Variants in ACSF3 observed in about 807,000 individuals in gnomAD.
ACSF3 encodes the protein acyl-CoA synthetase family member 3.
In ACSF3, 78 loss-of-function variants were observed where a neutral mutation model predicts 53.2. The ratio of observed to expected loss-of-function variants is 1.47; its 90% confidence interval spans 1.22 to 1.77. The LOEUF is 1.77. Ranked by LOEUF, ACSF3 falls within the 40% of genes most tolerant of loss-of-function variation. ACSF3 has a pLI of 0.00. For missense variants in ACSF3, 937 were observed against 771.1 expected, an observed-to-expected ratio of 1.22 and a Z score of -2.55; for synonymous variants, 414 against 333.1, an observed-to-expected ratio of 1.24 and a Z score of -2.65.
chr16:89,116,833 C>T (rs1460271617), intron 6 of ACSF3, among the ~76,000 whole-genome samples: 2 of 152,296 alleles, frequency 1.3e-5, no homozygotes, highest in East Asian at 1.9e-4. Context: ...TCAGTGCTAG[C>T]GGCCCCTGCT....
chr16:89,103,367 C>G (rs1597902226), intron 4 of ACSF3, among the ~76,000 whole-genome samples: 1 of 152,334 alleles, frequency 6.6e-6, no homozygotes, highest in East Asian at 1.9e-4. Context: ...TAGGGCTGCT[C>G]CGTCAGGAGG....
At chr16:89,103,688 C>T (rs113145789) in intron 4 of ACSF3, among the ~76,000 whole-genome samples, 1 of 152,362 alleles carries the variant, frequency 6.6e-6, no homozygotes, top group Admixed American at 6.5e-5. Context: ...CTCCAGAGTA[C>T]TGGCCCAGCT....
intron 9 of ACSF3, 92 bp downstream of exon 9, chr16:89,145,493 G>A (rs568252078): frequency 7.2e-5 from 107 of 1,480,538 alleles, no homozygotes; most frequent in South Asian, 9.6e-5. Context: ...AGTCGACGCC[G>A]TCCCAGCTGC....
intron 8 of ACSF3, among the ~76,000 whole-genome samples, chr16:89,133,847 C>T (rs1214215537): frequency 2.6e-5 from 4 of 152,220 alleles, no homozygotes; most frequent in African/African-American, 9.6e-5. Flanking sequence ...AACCTGCCCA[C>T]CTGATTGAGG....
rs542866272 is a variant in ACSF3, at chr16:89,144,038, C to T, written c.1367-1229C>T. 3.0e-3 allele frequency among the ~76,000 whole-genome samples: 450 copies of T among 152,374 alleles called. 6 individuals are homozygous for T. The highest frequency in any genetic ancestry group is 1.0e-2 in the African/African-American group (416 of 41,602). ...CATGCCCTGCATGCTCCCACAGCCA[C>T]GGCACACATGTGTGCGTGCACATGC... On this transcript the variant is annotated intron_variant, in intron 8 of 10. Transcript: ENST00000614302.
intron 4 of ACSF3, among the ~76,000 whole-genome samples, chr16:89,106,053 G>A (rs1377568462): frequency 3.9e-5 from 6 of 152,232 alleles, no homozygotes; most frequent in Admixed American, 3.9e-4. Flanking sequence ...AGGGGCATCT[G>A]CCAGGGGGTC....
chr16:89,105,826 GTCCCGGAGGGCAGGTTGGTTCCATCC>G (rs1369338513), intron 4 of ACSF3, among the ~76,000 whole-genome samples: 2 of 152,094 alleles, frequency 1.3e-5, no homozygotes, highest in East Asian at 3.9e-4. Flanking sequence ...TGGTTCCATC[GTCCCGGAGGGCAGGTTGGTTCCATCC>G]TCCCAAGTAA....
rs1906473131 is a variant in ACSF3 at position 89,120,870 on chromosome 16, G to A, written c.1196G>A (p.Cys399Tyr). Reference sequence around the variant, plus strand: ...TCAGAAAACCCACAGAGGGAAGCCTGCTCCTACACCATCCACGCAGAGGGA... The same window carrying A: ...TCAGAAAACCCACAGAGGGAAGCCTACTCCTACACCATCCACGCAGAGGGA... Reference protein sequence around the residue: ...IVSENPQREACSYTIHAEGDE... With the variant: ...IVSENPQREAYSYTIHAEGDE... The change falls in exon 7 of 11, where the codon TGC (cysteine) becomes TAC (tyrosine). Residue 399 changes from cysteine to tyrosine, a missense_variant. Cys to Tyr is a radical substitution (Grantham distance 194). Coordinates refer to ENST00000614302, the MANE Select transcript of ACSF3 (RefSeq NM_001243279.3). 2 of 1,614,136 alleles carry A rather than the reference G, an allele frequency of 1.2e-6. No individual in the cohort carries two copies. Among genetic ancestry groups the A allele is most frequent in the African/African-American group, 1.3e-5 (1 of 75,076 alleles).
At chr16:89,124,556 T>C (rs969127088) in intron 7 of ACSF3, among the ~76,000 whole-genome samples, 3 of 81,518 alleles carry the variant, frequency 3.7e-5, no homozygotes, top group African/African-American at 1.1e-4. Context: ...ACTGTATGTA[T>C]GTGTGTGAGA....
chr16:89,100,481 C>G, intron 2 of ACSF3, 181 bp from the exon 3 acceptor site: 1 of 627,778 alleles, frequency 1.6e-6, no homozygotes. Context: ...TGGGCACGTA[C>G]GGAACGTTCC....
chr16:89,097,695 A>G (rs1011782920), intron 1 of ACSF3, among the ~76,000 whole-genome samples: 23 of 152,284 alleles, frequency 1.5e-4, no homozygotes, highest in Admixed American at 1.4e-3. Context: ...TTTTCTTGCC[A>G]TTCTCTGGGT....
chr16:89,115,810 A>T (rs4782328), intron 6 of ACSF3, among the ~76,000 whole-genome samples: 2 of 152,106 alleles, frequency 1.3e-5, no homozygotes, highest in East Asian at 3.9e-4. Flanking sequence ...GGCGTTGAGC[A>T]CCTCTTCCTG....
At chr16:89,127,690 G>A (rs2151502538) in intron 7 of ACSF3, among the ~76,000 whole-genome samples, 1 of 152,246 alleles carries the variant, frequency 6.6e-6, no homozygotes, top group East Asian at 1.9e-4. Flanking sequence ...GAAAGAAAAA[G>A]AACTATGAAT....
chr16:89,127,735 C>T (rs2151502634), intron 7 of ACSF3, among the ~76,000 whole-genome samples: 1 of 152,220 alleles, frequency 6.6e-6, no homozygotes, highest in South Asian at 2.1e-4. Flanking sequence ...CTGTTCAGGT[C>T]ATCTGTTGCA....
chr16:89,135,039 G>A (rs551344608), intron 8 of ACSF3, among the ~76,000 whole-genome samples: 111 of 151,424 alleles, frequency 7.3e-4, no homozygotes, highest in African/African-American at 2.6e-3. Flanking sequence ...TGACCCCTGG[G>A]TGGTGAGATT....
At position 89,146,030 on chromosome 16, in the gene ACSF3, G is replaced by A; in HGVS notation, c.1594G>A (p.Glu532Lys). 7.1e-7 allele frequency: 1 copy of A among 1,410,960 alleles called. No individual in the cohort carries two copies. The highest frequency in any genetic ancestry group is 1.1e-5 in the South Asian group (1 of 88,034). The allele number at this position is 1,410,960 out of a possible 1,614,324, so 87.4% of individuals were successfully genotyped here. Residue 532 changes from glutamate (E) to lysine (K), a missense_variant, in exon 10 of 11, where the codon GAG becomes AAG. Transcript: ENST00000614302. ...AGAAGGACACTCACTGTCCCACAGG[G>A]AGCTCAAAGAGTGGGCCAGGTAGGG... ...LREGHSLSHRELKEWARNVLA... is the reference protein window; with the variant it reads ...LREGHSLSHRKLKEWARNVLA...
At chr16:89,113,726 C>T (rs942241443) in intron 5 of ACSF3, 7 of 183,340 alleles carry the variant, frequency 3.8e-5, no homozygotes, top group Admixed American at 1.6e-4. Flanking sequence ...TGTGAGAGCG[C>T]GGGGACTCGG....
At chr16:89,096,214 C>T (rs139826122) in intron 1 of ACSF3, among the ~76,000 whole-genome samples, 1,447 of 132,602 alleles carry the variant, frequency 0.011, 21 homozygotes, top group South Asian at 0.044. Flanking sequence ...CAGGGTGCTG[C>T]GTAGCAGGGG....
intron 8 of ACSF3, 181 bp from the exon 9 acceptor site, chr16:89,145,086 A>G: frequency 1.3e-6 from 2 of 1,533,604 alleles, no homozygotes; most frequent in Non-Finnish European, 1.8e-6. Flanking sequence ...ACCACCAGGA[A>G]TGTGGGCTTA....
Sources: allele counts gnomAD v4.1 joint callset (sites outside exome capture counted in the v4.1 genomes callset), GRCh38; gene constraint gnomAD v4.1.1; transcripts MANE v1.5; gene names NCBI Gene and HGNC (gene_info 2026-07-23, HGNC 2026-07-21).